The following NOS1AP variants were observed in gnomAD, a reference collection of about 807,000 sequenced individuals.
The protein encoded by NOS1AP is carboxyl-terminal PDZ ligand of neuronal nitric oxide synthase protein.
In NOS1AP, 21 loss-of-function variants were observed where a neutral mutation model predicts 56.2. The ratio of observed to expected loss-of-function variants is 0.37; its 90% CI spans 0.26 to 0.54. NOS1AP has a LOEUF of 0.54. Among genes scored for constraint, NOS1AP ranks in the 20% least tolerant of loss-of-function variants. NOS1AP has a pLI of 0.84. For missense variants in NOS1AP, 522 were observed against 657.8 expected (o/e 0.79, Z 2.26); for synonymous variants, 270 against 274.6 (o/e 0.98, Z 0.17).
intron 2 of NOS1AP, among the ~76,000 whole-genome samples, chr1:162,192,757 G>A (rs1175998452): frequency 6.6e-6 from 1 of 152,162 alleles, no homozygotes. Flanking sequence ...ACCAGCCTGG[G>A]CACCTTTCTG....
rs532949200 is a variant in NOS1AP, at chr1:162,080,335, G to A, written c.105+10053G>A. Among the ~76,000 whole-genome samples the A allele has an allele frequency of 4.6e-5, 7 of 152,272 alleles. No individual in the cohort carries two copies. The South Asian group carries it at 1.5e-3, about 32-fold the overall frequency. ...AACCCCTGTTAGTTTTCTCTAGTGA[G>A]GCTTCTGTGTCTTACCCCTTTATGG... On this transcript the variant is annotated intron_variant, in intron 1 of 9. Transcript: ENST00000361897.
intron 3 of NOS1AP, 123 bp from the exon 4 acceptor site, chr1:162,300,510 C>T (rs764930599): frequency 2.4e-6 from 2 of 829,192 alleles, no homozygotes; most frequent in Admixed American, 1.7e-5. Flanking sequence ...GCAATCAACT[C>T]CAGGCCTCTT....
chr1:162,345,842 T>C (rs1657276877), intron 6 of NOS1AP, among the ~76,000 whole-genome samples: 1 of 152,228 alleles, frequency 6.6e-6, no homozygotes, highest in Non-Finnish European at 1.5e-5. Context: ...ATGCTGAGCC[T>C]GGTGCTTGGC....
chr1:162,184,008 C>T (rs1322566451), intron 2 of NOS1AP, among the ~76,000 whole-genome samples: 1 of 152,202 alleles, frequency 6.6e-6, no homozygotes, highest in African/African-American at 2.4e-5. Context: ...TTGGACATTC[C>T]TTCCTTACCC....
chr1:162,237,364 G>A (rs1386655939), intron 2 of NOS1AP, among the ~76,000 whole-genome samples: 1 of 152,186 alleles, frequency 6.6e-6, no homozygotes, highest in Non-Finnish European at 1.5e-5. Flanking sequence ...TGAAATTAGA[G>A]GTCAGGAGAT....
intron 2 of NOS1AP, among the ~76,000 whole-genome samples, chr1:162,204,300 C>T (rs532507438): frequency 1.3e-5 from 2 of 152,378 alleles, no homozygotes; most frequent in Admixed American, 1.3e-4. Flanking sequence ...CATTTCTCCA[C>T]GATGCTCTCC....
intron 5 of NOS1AP, among the ~76,000 whole-genome samples, chr1:162,333,654 GT>G (rs1656846990): frequency 6.6e-6 from 1 of 152,150 alleles, no homozygotes. Context: ...CACAACTGGG[GT>G]TTTAGAAGCC....
chr1:162,335,911 C>A (rs966068713), intron 5 of NOS1AP, among the ~76,000 whole-genome samples: 2 of 152,152 alleles, frequency 1.3e-5, no homozygotes, highest in African/African-American at 4.8e-5. Context: ...CCTCCCTCGA[C>A]CTTGTTCCCT....
At chr1:162,307,235 C>G (rs1351451282) in intron 4 of NOS1AP, among the ~76,000 whole-genome samples, 1 of 152,162 alleles carries the variant, frequency 6.6e-6, no homozygotes, top group Non-Finnish European at 1.5e-5. Flanking sequence ...TTGTCCTAGT[C>G]TTATTGGTGG....
chr1:162,218,019 A>C (rs1325341874), intron 2 of NOS1AP, among the ~76,000 whole-genome samples: 2 of 152,176 alleles, frequency 1.3e-5, no homozygotes, highest in African/African-American at 4.8e-5. Context: ...GAAGAAACTG[A>C]ATCTTGGAGA....
intron 1 of NOS1AP, among the ~76,000 whole-genome samples, chr1:162,143,289 C>A (rs901546131): frequency 2.0e-5 from 3 of 152,038 alleles, no homozygotes; most frequent in African/African-American, 7.3e-5. Flanking sequence ...TTCTGCCCTT[C>A]CATTTACTCT....
At position 162,154,465 on chromosome 1, in the gene NOS1AP, C is replaced by T. The variant is rs878883513; in HGVS notation, c.166C>T (p.Arg56Cys). Residue 56 changes from arginine to cysteine, a missense_variant, in exon 2 of 10, where the codon CGC becomes TGC. Around this residue, in one of 4 missense-constraint regions of NOS1AP, gnomAD observed 132 missense variants for 218.1 expected, o/e 0.61. Transcript: ENST00000361897. ...CAGGGTGGAGATCGTGGCTGCCATGCGCCGGATACGGGTGAGTGGCCAGAG... is the reference window on the plus strand; with the variant it reads ...CAGGGTGGAGATCGTGGCTGCCATGTGCCGGATACGGGTGAGTGGCCAGAG... ...NSRVEIVAAM[R>C]RIRYEFKAKN... The T allele has an allele frequency of 4.3e-6, 7 of 1,613,960 alleles. No individual in the cohort carries two copies. Among genetic ancestry groups the T allele is most frequent in the East Asian group, 4.5e-5 (2 of 44,862 alleles).
intron 2 of NOS1AP, among the ~76,000 whole-genome samples, chr1:162,273,807 A>G (rs1654659861): frequency 6.6e-6 from 1 of 152,172 alleles, no homozygotes; most frequent in South Asian, 2.1e-4. Flanking sequence ...TCAGTAGTTC[A>G]TTCCTTTTTA....
chr1:162,315,961 T>C (rs549489428), intron 4 of NOS1AP, among the ~76,000 whole-genome samples: 3 of 152,330 alleles, frequency 2.0e-5, no homozygotes, highest in Admixed American at 1.3e-4. Flanking sequence ...TTATCTATCT[T>C]TGGGGCTCCT....
At chr1:162,106,650 CAACTT>C (rs1016937894) in intron 1 of NOS1AP, among the ~76,000 whole-genome samples, 1 of 152,202 alleles carries the variant, frequency 6.6e-6, no homozygotes, top group African/African-American at 2.4e-5. Flanking sequence ...AAAAGATGCT[CAACTT>C]GACTTGTAGA....
intron 1 of NOS1AP, among the ~76,000 whole-genome samples, chr1:162,081,758 A>C (rs1387375079): frequency 2.1e-4 from 5 of 23,714 alleles, no homozygotes; most frequent in Admixed American, 6.6e-4. Flanking sequence ...ATCTATAGAT[A>C]TATATATATA....
rs57058985 is a variant in NOS1AP, at chr1:162,278,664, CGTGTGTGTGTGTGTGT to C, written c.178-8647_178-8632del. ...TACTAGGAAACGTTTACTCCTTCTA[CGTGTGTGTGTGTGTGT>C]GTGTGTGTGTGTGTGTGTGTGTGTG... is the stretch of plus-strand genomic sequence containing the variant. On this transcript the variant is annotated intron_variant, in intron 2 of 9. Coordinates refer to ENST00000361897, the MANE Select transcript of NOS1AP (RefSeq NM_014697.3). 2.7e-4 allele frequency among the ~76,000 whole-genome samples: 39 copies of C among 143,214 alleles called. 1 individual carries two copies. Among genetic ancestry groups the C allele is most frequent in the Middle Eastern group, 7.0e-3 (2 of 286 alleles). The allele number at this position is 143,214 out of a possible 152,430, so 94.0% of individuals were successfully genotyped here.
At chr1:162,150,949 A>G (rs552970562) in intron 1 of NOS1AP, among the ~76,000 whole-genome samples, 3 of 152,256 alleles carry the variant, frequency 2.0e-5, no homozygotes, top group East Asian at 3.9e-4. Flanking sequence ...TGCTGTGCAG[A>G]AACTTTTTCA....
At chr1:162,329,231 A>C (rs1656686879) in intron 4 of NOS1AP, among the ~76,000 whole-genome samples, 1 of 152,218 alleles carries the variant, frequency 6.6e-6, no homozygotes. Flanking sequence ...TTGAAATAAA[A>C]GTAAGAAATT....
Sources: allele counts gnomAD v4.1 joint callset (sites outside exome capture counted in the v4.1 genomes callset), GRCh38; gene constraint gnomAD v4.1.1; regional missense constraint gnomAD v4.1.1; transcripts MANE v1.5; gene names NCBI Gene and HGNC (gene_info 2026-07-23, HGNC 2026-07-21).